ODAD3: variants seen among roughly 807,000 people sequenced by gnomAD.
The protein encoded by ODAD3 is outer dynein arm-docking complex subunit 3.
In ODAD3, 57 loss-of-function variants were observed where a neutral mutation model predicts 70.9. That is an observed-to-expected ratio of 0.80 (90% CI 0.65 to 1.00). The LOEUF (loss-of-function observed/expected upper bound fraction) is 1.00. ODAD3 is among the 50% of genes least tolerant of loss of function. The probability of loss-of-function intolerance (pLI) is 0.00; values close to 1 mark genes in which losing one functional copy is unlikely to be tolerated. For missense variants in ODAD3, 797 were observed against 763.9 expected (o/e 1.04, Z -0.51); for synonymous variants, 327 against 315.9 (o/e 1.04, Z -0.37).
At chr19:11,431,176 A>G (rs1329192012) in intron 1 of ODAD3, 156 bp from the exon 2 acceptor site, 5 of 914,112 alleles carry the variant, frequency 5.5e-6, no homozygotes, top group Non-Finnish European at 6.5e-6. Context: ...CAATGGTGCA[A>G]TCTCGGCTCA....
At chr19:11,421,902 G>A (rs1969144758) in intron 10 of ODAD3, 70 bp from the exon 11 acceptor site, 3 of 1,526,370 alleles carry the variant, frequency 2.0e-6, no homozygotes, top group Non-Finnish European at 1.8e-6. Flanking sequence ...CCAGGGGCGG[G>A]GCTTTTCTTT....
At chr19:11,423,778 G>C in intron 8 of ODAD3, 99 bp downstream of exon 8, 1 of 1,265,836 alleles carries the variant, frequency 7.9e-7, no homozygotes, top group Non-Finnish European at 1.1e-6. Context: ...CTGGCAGAGA[G>C]GGGAGACAGG....
Position 11,435,078 on chromosome 19 carries a change from G to T in ODAD3, c.-62C>A. ...GGATAACTAGGAGTCAGTCGCCCCTGTCAGGGATCCGTCAGCTCGGATTCC... is the reference window on the plus strand; with the variant it reads ...GGATAACTAGGAGTCAGTCGCCCCTTTCAGGGATCCGTCAGCTCGGATTCC... On this transcript the variant is annotated 5_prime_UTR_variant, in exon 1 of 13. Coordinates refer to ENST00000356392, the MANE Select transcript of ODAD3 (RefSeq NM_145045.5). The T allele has an allele frequency of 6.5e-7, 1 of 1,533,616 alleles. No individual in the cohort carries two copies. The highest frequency in any genetic ancestry group is 8.7e-7 in the Non-Finnish European group (1 of 1,145,156).
Position 11,434,838 on chromosome 19 carries a change from C to T in ODAD3, c.179G>A (p.Arg60Lys), listed in dbSNP as rs1469805261. 1.2e-6 allele frequency: 2 copies of T among 1,614,192 alleles called. No homozygotes were observed. Among genetic ancestry groups the T allele is most frequent in the Non-Finnish European group, 1.7e-6 (2 of 1,180,032 alleles). The change falls in exon 1 of 13, where the codon AGA becomes AAA. Residue 60 changes from arginine (R) to lysine (K), a missense_variant. By Grantham distance (26) the Arg-to-Lys change is conservative (BLOSUM62 2). Transcript: ENST00000356392. ...GTGCACAGAGGGCTTCCCTGCACCT[C>T]TGTGGAAGGATCCTCCCTTGGAACG... is the stretch of plus-strand genomic sequence containing the variant. Reference protein sequence around the residue: ...PGRSKGGSFHRGAGKPSVHSQ... With the variant: ...PGRSKGGSFHKGAGKPSVHSQ...
intron 7 of ODAD3, among the ~76,000 whole-genome samples, chr19:11,425,565 G>GTGTATGTATATGTGTATATATGTA (rs1969339441): frequency 7.8e-6 from 1 of 127,442 alleles, no homozygotes; most frequent in Non-Finnish European, 1.5e-5. Context: ...GTATATATGT[G>GTGTATGTATATGTGTATATATGTA]TGTATGTATG....
Position 11,420,795 on chromosome 19 carries a change from G to A in ODAD3, c.*40C>T. On this transcript the variant is annotated 3_prime_UTR_variant, in exon 13 of 13. Transcript: ENST00000356392. ...CCTGCGCTAGACCCGGAGGGATCGG[G>A]GGCTCCGAAGGGGGCCGCCTGGTGG... 1 of 1,549,068 alleles carries A rather than the reference G, an allele frequency of 6.5e-7. No individual in the cohort carries two copies.
intron 1 of ODAD3, among the ~76,000 whole-genome samples, chr19:11,433,300 C>A (rs1223843815): frequency 6.6e-6 from 1 of 152,096 alleles, no homozygotes; most frequent in Non-Finnish European, 1.5e-5. Context: ...ATCCATGCCA[C>A]CATGCCCGGC....
chr19:11,425,131 ATATGTG>A (rs1215754042), intron 7 of ODAD3, among the ~76,000 whole-genome samples: 3 of 131,544 alleles, frequency 2.3e-5, no homozygotes, highest in Admixed American at 7.3e-5. Context: ...ACATATGTGT[ATATGTG>A]TATATGTACA....
rs377660054 is a variant in ODAD3 at position 11,421,891 on chromosome 19, C to T, written c.1435-59G>A. 6.8e-3 allele frequency: 10,537 copies of T among 1,546,760 alleles called. 47 individuals are homozygous for T. The highest frequency in any genetic ancestry group is 8.4e-3 in the South Asian group (698 of 83,556). On this transcript the variant is annotated intron_variant, in intron 10 of 12. Coordinates refer to ENST00000356392, the MANE Select transcript of ODAD3 (RefSeq NM_145045.5). ...GGGTGGGGCCTCTTGGAAGGCTCCACCCAGGGGCGGGGCTTTTCTTTCGGG... is the reference window on the plus strand; with the variant it reads ...GGGTGGGGCCTCTTGGAAGGCTCCATCCAGGGGCGGGGCTTTTCTTTCGGG...
intron 7 of ODAD3, among the ~76,000 whole-genome samples, chr19:11,425,848 A>C (rs915924881): frequency 1.5e-4 from 23 of 151,402 alleles, no homozygotes; most frequent in African/African-American, 5.1e-4. Context: ...GGTCAGATTC[A>C]GGACAGGCAG....
chr19:11,428,010 G>C (rs1969421897), intron 3 of ODAD3, among the ~76,000 whole-genome samples: 1 of 151,570 alleles, frequency 6.6e-6, no homozygotes, highest in Non-Finnish European at 1.5e-5. Flanking sequence ...TGAGGCAGAA[G>C]AATGGCGAGA....
upstream of ODAD3, chr19:11,435,689 C>T (rs1337413051): frequency 7.6e-7 from 1 of 1,309,528 alleles, no homozygotes; most frequent in South Asian, 1.2e-5. Flanking sequence ...TGGATACTGA[C>T]CTTTGCTCCG....
Position 11,421,208 on chromosome 19 carries a change from A to T in ODAD3, c.1595T>A (p.Leu532His), listed in dbSNP as rs755589094. 3.1e-6 allele frequency: 5 copies of T among 1,612,436 alleles called. No homozygotes were observed. The highest frequency in any genetic ancestry group is 1.7e-5 in the Admixed American group (1 of 59,806). ...MLCHIANREFLASLEGRLPEY... is the reference protein window; with the variant it reads ...MLCHIANREFHASLEGRLPEY... ...GGGCAGCCTTCCCTCTAAGCTGGCG[A>T]GGAACTAAGCGGGGATGGGAAGCGA... Residue 532 changes from leucine (L) to histidine (H), a missense_variant, in exon 12 of 13, where the codon CTC becomes CAC. Coordinates refer to ENST00000356392, the MANE Select transcript of ODAD3 (RefSeq NM_145045.5).
chr19:11,427,122 C>T (rs1568351972), intron 3 of ODAD3, 82 bp from the exon 4 acceptor site: 2 of 1,409,244 alleles, frequency 1.4e-6, no homozygotes, highest in Non-Finnish European at 1.9e-6. Flanking sequence ...TTCCTTCTCC[C>T]ACACTGTGGC....
intron 3 of ODAD3, among the ~76,000 whole-genome samples, chr19:11,429,183 A>AT (rs1370116927): frequency 6.7e-6 from 1 of 149,540 alleles, no homozygotes; most frequent in Non-Finnish European, 1.5e-5. Context: ...CCGGCCTTTA[A>AT]TTTTTTATCT....
intron 3 of ODAD3, among the ~76,000 whole-genome samples, chr19:11,428,646 T>C (rs1454218618): frequency 6.6e-6 from 1 of 152,140 alleles, no homozygotes; most frequent in African/African-American, 2.4e-5. Context: ...CCTCCCCAGT[T>C]CAGGTGATCC....
chr19:11,434,996 C>T lies in ODAD3; in HGVS notation c.21G>A (p.Arg7=). The change falls in exon 1 of 13, where the codon AGG becomes AGA. Residue 7 remains arginine, a synonymous_variant. Coordinates refer to ENST00000356392, the MANE Select transcript of ODAD3 (RefSeq NM_145045.5). MTSPLC[R]AASANALPPQ... ...GAGGCAGGGCGTTGGCGGAGGCCGC[C>T]CTGCACAGAGGAGATGTCATGATGG... 6.2e-7 allele frequency: 1 copy of T among 1,612,216 alleles called. No individual in the cohort carries two copies. Among genetic ancestry groups the T allele is most frequent in the Middle Eastern group, 1.7e-4 (1 of 6,030 alleles).
intron 6 of ODAD3, 27 bp downstream of exon 6, chr19:11,426,419 G>A (rs1347203771): frequency 3.7e-6 from 6 of 1,613,684 alleles, no homozygotes; most frequent in Admixed American, 1.7e-5. Flanking sequence ...AGCTGGGCAG[G>A]ATGGCCGAGG....
chr19:11,430,296 C>G (rs560676964), intron 3 of ODAD3, among the ~76,000 whole-genome samples: 1 of 152,200 alleles, frequency 6.6e-6, no homozygotes, highest in South Asian at 2.1e-4. Context: ...TGCCATCATG[C>G]CCAGCTAAGT....
Sources: gnomAD v4.1 joint callset for allele counts (sites outside exome capture counted in the v4.1 genomes callset) on GRCh38, gnomAD v4.1.1 for gene constraint, MANE v1.5 for transcripts, NCBI Gene and HGNC (gene_info 2026-07-23, HGNC 2026-07-21) for gene names.